Variants in CHAT observed in about 807,000 individuals in gnomAD.
CHAT encodes the protein acetyl CoA:choline O-acetyltransferase.
In CHAT, 61 loss-of-function variants were observed where a neutral mutation model predicts 76.9. That is an observed-to-expected ratio of 0.79 (90% CI 0.65 to 0.98). The LOEUF (loss-of-function observed/expected upper bound fraction) is 0.98. Among genes scored for constraint, CHAT ranks in the 50% least tolerant of loss-of-function variants. CHAT has a pLI of 0.00. For synonymous variants in CHAT, 407 were observed against 397.4 expected (o/e 1.02, Z -0.29); for missense variants, 946 against 986.9 (o/e 0.96, Z 0.56).
chr10:49,646,961 T>A, intron 8 of CHAT: 1 of 501,492 alleles, frequency 2.0e-6, no homozygotes, highest in Non-Finnish European at 3.7e-6. Flanking sequence ...GCCAGGAAGG[T>A]CTGGGCCAGA....
In CHAT at chr10:49,648,141, C is replaced by A. The variant is rs1231595662; in HGVS notation, c.1282-366C>A. On this transcript the variant is annotated intron_variant, in intron 8 of 14. Coordinates refer to ENST00000337653, the MANE Select transcript of CHAT (RefSeq NM_020549.5). ...CACAAGGCAAGAGATTGGGAGGAGACCCCGATGTGAGCTATGACAGGAAAC... is the reference window on the plus strand; with the variant it reads ...CACAAGGCAAGAGATTGGGAGGAGAACCCGATGTGAGCTATGACAGGAAAC... 17 of 349,310 alleles carry A rather than the reference C, an allele frequency of 4.9e-5. 2 individuals are homozygous for A. Among genetic ancestry groups the A allele is most frequent in the South Asian group, 4.7e-4 (16 of 34,138 alleles). 21.6% of individuals were successfully genotyped at this position (349,310 alleles called of 1,614,324 possible). A position where few individuals can be genotyped will look rare whatever the true frequency, so the allele number is the denominator to read the frequency against.
At position 49,665,732 on chromosome 10, in the gene CHAT, G is replaced by GA. The variant is rs896587601; in HGVS notation, c.*695dup. Among the ~76,000 whole-genome samples the GA allele has an allele frequency of 4.6e-5, 7 of 151,296 alleles. No homozygotes were observed. Among genetic ancestry groups the GA allele is most frequent in the Admixed American group, 3.3e-4 (5 of 15,198 alleles). ...AAATTGTGTCCAGCTATTCTGAAAG[G>GA]AAAAAAAAATTTATCTGTGACTGCC... On this transcript the variant is annotated 3_prime_UTR_variant, in exon 15 of 15. Coordinates refer to ENST00000337653, the MANE Select transcript of CHAT (RefSeq NM_020549.5).
At chr10:49,638,339 T>G (rs1473838661) in intron 7 of CHAT, among the ~76,000 whole-genome samples, 1 of 152,236 alleles carries the variant, frequency 6.6e-6, no homozygotes, top group Non-Finnish European at 1.5e-5. Flanking sequence ...ATATTTGATG[T>G]GCACTTCTTG....
At chr10:49,617,294 T>C (rs547041154) in intron 2 of CHAT, among the ~76,000 whole-genome samples, 4 of 152,064 alleles carry the variant, frequency 2.6e-5, no homozygotes, top group Non-Finnish European at 4.4e-5. Flanking sequence ...CAAACATCTA[T>C]TGTCACCTCT....
rs115121371 is a variant in CHAT, at chr10:49,657,379, C to G, written c.1839+1931C>G. ...CTCCTGAAGGTCCCACCTTCTAATA[C>G]TATCATACCATTAAGTTTCAACACA... On this transcript the variant is annotated intron_variant, in intron 13 of 14. Transcript: ENST00000337653. Among the ~76,000 whole-genome samples, 1,458 of 152,238 alleles carry G rather than the reference C, an allele frequency of 9.6e-3. 32 individuals are homozygous for G. The highest frequency in any genetic ancestry group is 0.034 in the African/African-American group (1,393 of 41,540).
chr10:49,613,625 C>A (rs1480577414), upstream of CHAT, among the ~76,000 whole-genome samples: 1 of 152,064 alleles, frequency 6.6e-6, no homozygotes, highest in Admixed American at 6.6e-5. Flanking sequence ...TGTGCCTGGG[C>A]GGAGTCTGCC....
chr10:49,651,932 G>A lies in CHAT; in HGVS notation c.1560G>A (p.Gly520=). 1 of 1,614,160 alleles carries A rather than the reference G, an allele frequency of 6.2e-7. No homozygotes were observed. The highest frequency in any genetic ancestry group is 8.5e-7 in the Non-Finnish European group (1 of 1,179,982). The stretch of plus-strand genomic sequence containing the variant: ...TTGTCTATAAGTTTGACAACTATGG[G>A]AAAACATTCATTAAGAAGCAGAAAT... ...DFIVYKFDNY[G]KTFIKKQKCS... is the part of the protein sequence containing the mutation. Residue 520 remains glycine, a synonymous_variant, in exon 11 of 15, where the codon GGG becomes GGA. Transcript: ENST00000337653.
intron 11 of CHAT, among the ~76,000 whole-genome samples, chr10:49,653,924 T>G (rs973959616): frequency 6.6e-5 from 10 of 152,248 alleles, no homozygotes; most frequent in African/African-American, 2.4e-4. Context: ...CTCCTGCCTG[T>G]GGGCTGTGCT....
chr10:49,649,687 C>T (rs752791520), intron 10 of CHAT, 51 bp downstream of exon 10: 1 of 1,606,566 alleles, frequency 6.2e-7, no homozygotes, highest in East Asian at 2.2e-5. Flanking sequence ...ACCACCCCGC[C>T]CTTGCCTACT....
In CHAT at chr10:49,627,697, C is replaced by G. The variant is rs1838971882; in HGVS notation, c.1023C>G (p.Ser341=). ...TQLRKIVKMA[S]NEDERLPPIG... is the part of the protein sequence containing the mutation. ...TGAGAAAGATAGTCAAAATGGCTTC[C>G]AACGAGGACGAGCGTTTGCCTCCAA... is the stretch of plus-strand genomic sequence containing the variant. The change falls in exon 7 of 15, where the codon TCC becomes TCG. Residue 341 remains serine (S), a synonymous_variant. Transcript: ENST00000337653. 9 of 1,614,150 alleles carry G rather than the reference C, an allele frequency of 5.6e-6. No individual in the cohort carries two copies. The highest frequency in any genetic ancestry group is 7.6e-6 in the Non-Finnish European group (9 of 1,179,976).
At chr10:49,651,478 A>T (rs1325503113) in intron 10 of CHAT, among the ~76,000 whole-genome samples, 1 of 152,208 alleles carries the variant, frequency 6.6e-6, no homozygotes, top group Non-Finnish European at 1.5e-5. Flanking sequence ...ATTGTTCAAT[A>T]TGAGGGTCAG....
At chr10:49,631,507 C>T (rs572465471) in intron 7 of CHAT, among the ~76,000 whole-genome samples, 20 of 152,200 alleles carry the variant, frequency 1.3e-4, no homozygotes, top group Non-Finnish European at 2.5e-4. Flanking sequence ...GACTTCAACA[C>T]AGGAATTTTG....
At chr10:49,641,160 A>C (rs2132779959) in intron 7 of CHAT, among the ~76,000 whole-genome samples, 1 of 152,338 alleles carries the variant, frequency 6.6e-6, no homozygotes, top group South Asian at 2.1e-4. Context: ...TGAGGACACC[A>C]GTTCTATTGG....
rs1467276770 is a variant in CHAT, at chr10:49,648,580, A to C, written c.1355A>C (p.Gln452Pro). 6.2e-7 allele frequency: 1 copy of C among 1,613,588 alleles called. No homozygotes were observed. Among genetic ancestry groups the C allele is most frequent in the East Asian group, 2.2e-5 (1 of 44,882 alleles). Reference protein sequence around the residue: ...HSPFDGIVLVQCTEHLLKHVT... With the variant: ...HSPFDGIVLVPCTEHLLKHVT... ...CCATTCGATGGCATCGTCCTGGTGC[A>C]GTGCACTGAGCATCTGCTCAAGCAC... Residue 452 changes from glutamine to proline, a missense_variant, in exon 9 of 15, where the codon CAG (glutamine) becomes CCG (proline). Physicochemically the swap from Gln to Pro is moderately conservative, Grantham distance 76. Transcript: ENST00000337653.
upstream of CHAT, chr10:49,611,773 A>G (rs1590545082): frequency 3.1e-6 from 5 of 1,602,892 alleles, no homozygotes; most frequent in Admixed American, 1.7e-5. Flanking sequence ...CGTCTACCTC[A>G]CCGTGCGCCT....
intron 6 of CHAT, 44 bp from the exon 7 acceptor site, chr10:49,627,564 C>A: frequency 6.2e-7 from 1 of 1,604,430 alleles, no homozygotes; most frequent in Non-Finnish European, 8.5e-7. Context: ...CCTGGTGCCA[C>A]GGGCCACCCA....
At chr10:49,639,410 T>TC (rs1651360205) in intron 7 of CHAT, among the ~76,000 whole-genome samples, 1 of 152,012 alleles carries the variant, frequency 6.6e-6, no homozygotes. Context: ...GATTGATAGT[T>TC]CTTTTTTTTT....
intron 13 of CHAT, among the ~76,000 whole-genome samples, chr10:49,659,913 A>T (rs753009146): frequency 1.4e-4 from 21 of 152,166 alleles, no homozygotes; most frequent in Non-Finnish European, 2.2e-4. Flanking sequence ...CTAAGGAAGT[A>T]AAAAAGTAAT....
At position 49,630,897 on chromosome 10, in the gene CHAT, A is replaced by T. The variant is rs552341914; in HGVS notation, c.1111+3112A>T. ...CTTGAGATAAGAGGCGGGCAGTTGG[A>T]TGTTGAAGATGAAATCGACTGTGTG... On this transcript the variant is annotated intron_variant, in intron 7 of 14. Transcript: ENST00000337653. 6.6e-5 allele frequency among the ~76,000 whole-genome samples: 10 copies of T among 151,872 alleles called. No homozygotes were observed. In the South Asian group the frequency reaches 2.1e-3, roughly 32 times the overall value.
Sources: gnomAD v4.1 joint callset for allele counts (sites outside exome capture counted in the v4.1 genomes callset) on GRCh38, gnomAD v4.1.1 for gene constraint, MANE v1.5 for transcripts, NCBI Gene and HGNC (gene_info 2026-07-23, HGNC 2026-07-21) for gene names.